PRKCG: variants seen among roughly 807,000 people sequenced by gnomAD.
PRKCG encodes the protein protein kinase C gamma.
PRKCG carries 28 observed loss-of-function variants against 82.0 expected under a neutral mutation model. The observed-to-expected ratio is 0.34, with a 90% CI of 0.25 to 0.47. PRKCG has a LOEUF of 0.47. Among genes scored for constraint, PRKCG ranks in the 20% least tolerant of loss-of-function variants. PRKCG has a pLI of 1.00. For missense variants in PRKCG, 640 were observed against 952.7 expected, an observed-to-expected ratio of 0.67 and a Z score of 4.32; for synonymous variants, 383 against 376.6, an observed-to-expected ratio of 1.02 and a Z score of -0.20.
In PRKCG at chr19:53,906,779, C is replaced by G. The variant is rs758699586; in HGVS notation, c.1978C>G (p.Leu660Val). The G allele has an allele frequency of 1.2e-6, 2 of 1,613,586 alleles. No individual in the cohort carries two copies. Among genetic ancestry groups the G allele is most frequent in the African/African-American group, 1.3e-5 (1 of 74,920 alleles). ...GCCAGCGCTGACCCCTCCAGACCGC[C>G]TAGTCCTGGCCAGCATCGACCAGGC... is the stretch of plus-strand genomic sequence containing the variant. ...AAPALTPPDR[L>V]VLASIDQADF... Residue 660 changes from leucine to valine, a missense_variant, in exon 18 of 18, where the codon CTA (leucine) becomes GTA (valine). By Grantham distance (32) the Leu-to-Val change is conservative. Transcript: ENST00000263431.
chr19:53,883,783 G>A lies in PRKCG; in HGVS notation c.203-378G>A, dbSNP rs1227117763. Among the ~76,000 whole-genome samples, 7 of 152,220 alleles carry A rather than the reference G, an allele frequency of 4.6e-5. No homozygotes were observed. The highest frequency in any genetic ancestry group is 9.6e-5 in the African/African-American group (4 of 41,456). Reference sequence around the variant, plus strand: ...CCTGGGCTGCGTCTGAAGATATTTCGGTTTTCGCTCTTTGAATCTGTCTGC... The same window carrying A: ...CCTGGGCTGCGTCTGAAGATATTTCAGTTTTCGCTCTTTGAATCTGTCTGC... On this transcript the variant is annotated intron_variant, in intron 2 of 17. Transcript: ENST00000263431. The surrounding 1 kb of genome is among the most constrained non-coding windows in gnomAD (Gnocchi z 5.4).
At position 53,883,181 on chromosome 19, in the gene PRKCG, C is replaced by G; in HGVS notation, c.189C>G (p.Gly63=). ...CTTCCAGGGGTATCGGAAAGCAGGG[C>G]CTGCAATGTCAAGGTAAGAGCTGGG... The part of the protein sequence containing the change: ...TDFIWGIGKQ[G]LQCQVCSFVV... Residue 63 remains glycine, a synonymous_variant, in exon 2 of 18, where the codon GGC becomes GGG. Transcript: ENST00000263431. The surrounding 1 kb of genome is among the most constrained non-coding windows in gnomAD (Gnocchi z 5.4). 6.2e-7 allele frequency: 1 copy of G among 1,613,908 alleles called. No individual in the cohort carries two copies. The highest frequency in any genetic ancestry group is 8.5e-7 in the Non-Finnish European group (1 of 1,179,966).
intron 17 of PRKCG, 48 bp downstream of exon 17, chr19:53,906,505 G>T (rs372405012): frequency 1.3e-6 from 2 of 1,568,206 alleles, no homozygotes; most frequent in Admixed American, 1.9e-5. Flanking sequence ...AAGGGGTGGG[G>T]TTCCCCTGGG....
chr19:53,904,221 C>T (rs1055118577), intron 15 of PRKCG, among the ~76,000 whole-genome samples: 3 of 151,688 alleles, frequency 2.0e-5, no homozygotes, highest in Non-Finnish European at 4.4e-5. Flanking sequence ...TATGATGAAA[C>T]CCCATCTCTA....
At position 53,890,032 on chromosome 19, in the gene PRKCG, C is replaced by T. The variant is rs769924528; in HGVS notation, c.529+15C>T. 2.5e-5 allele frequency: 38 copies of T among 1,550,546 alleles called. No individual in the cohort carries two copies. Among genetic ancestry groups the T allele is most frequent in the Non-Finnish European group, 3.0e-5 (34 of 1,150,388 alleles). On this transcript the variant is annotated intron_variant, in intron 5 of 17. Transcript: ENST00000263431. ...CCACGTAACTGGTGAGGCCCCGCCC[C>T]CTCGCCTGGCCCCGCCCCCTCCCCA...
At chr19:53,894,988 G>C (rs2068707467) in intron 9 of PRKCG, among the ~76,000 whole-genome samples, 1 of 152,152 alleles carries the variant, frequency 6.6e-6, no homozygotes, top group Non-Finnish European at 1.5e-5. Flanking sequence ...AGAAGGGCGG[G>C]ATTTCCCAAA....
upstream of PRKCG, among the ~76,000 whole-genome samples, chr19:53,881,129 A>G (rs1045256013): frequency 1.6e-4 from 8 of 50,580 alleles, 1 homozygote; most frequent in Admixed American, 2.4e-3. Context: ...CCCCCCTAGC[A>G]TCAGAGAGAG....
intron 11 of PRKCG, among the ~76,000 whole-genome samples, chr19:53,898,937 G>A (rs1480057995): frequency 1.7e-5 from 2 of 116,526 alleles, no homozygotes; most frequent in African/African-American, 7.6e-5. Context: ...AGGCAGAGGG[G>A]CTCTTCGCGG....
chr19:53,906,360 A>G lies in PRKCG; in HGVS notation c.1808A>G (p.Asp603Gly), dbSNP rs202029274. Reference protein sequence around the residue: ...HPGKRLGSGPDGEPTIRAHGF... With the variant: ...HPGKRLGSGPGGEPTIRAHGF... Reference sequence around the variant, plus strand: ...GGGAAGCGCCTGGGCTCAGGGCCTGATGGGGAACCTACCATCCGTGCACAT... The same window carrying G: ...GGGAAGCGCCTGGGCTCAGGGCCTGGTGGGGAACCTACCATCCGTGCACAT... The change falls in exon 17 of 18, where the codon GAT (aspartate) becomes GGT (glycine). Residue 603 changes from aspartate (D) to glycine (G), a missense_variant. Physicochemically the swap from Asp to Gly is moderately conservative, Grantham distance 94. Transcript: ENST00000263431. 4 of 1,553,456 alleles carry G rather than the reference A, an allele frequency of 2.6e-6. No individual in the cohort carries two copies. The highest frequency in any genetic ancestry group is 2.4e-5 in the East Asian group (1 of 41,142).
chr19:53,891,715 C>T lies in PRKCG; in HGVS notation c.571C>T (p.Leu191Phe), dbSNP rs773693506. 5 of 1,614,110 alleles carry T rather than the reference C, an allele frequency of 3.1e-6. No homozygotes were observed. The highest frequency in any genetic ancestry group is 1.1e-5 in the South Asian group (1 of 91,084). ...RNLIPMDPNG[L>F]SDPYVKLKLI... is the part of the protein sequence containing the mutation. ...CCTAATTCCTATGGACCCCAATGGT[C>T]TCTCTGATCCCTATGTGAAACTGAA... Residue 191 changes from leucine (L) to phenylalanine (F), a missense_variant, in exon 6 of 18, where the codon CTC becomes TTC. Leu to Phe is a conservative substitution (Grantham distance 22, BLOSUM62 0). Coordinates refer to ENST00000263431, the MANE Select transcript of PRKCG (RefSeq NM_002739.5).
At position 53,906,124 on chromosome 19, in the gene PRKCG, T is replaced by TTC. The variant is rs59343768; in HGVS notation, c.1765-180_1765-179dup. 1.0e-3 allele frequency among the ~76,000 whole-genome samples: 71 copies of TTC among 70,676 alleles called. 4 individuals are homozygous for TTC. Among genetic ancestry groups the TTC allele is most frequent in the African/African-American group, 7.2e-3 (63 of 8,762 alleles). The allele number at this position is 70,676 out of a possible 152,430, so 46.4% of individuals were successfully genotyped here. On this transcript the variant is annotated intron_variant, in intron 16 of 17. Coordinates refer to ENST00000263431, the MANE Select transcript of PRKCG (RefSeq NM_002739.5). ...TCTTCTTCTTCTTCTTCTTCTTTTC[T>TTC]TCTCTCTCTCTCTCCTTTCTTTTCC...
In PRKCG at chr19:53,882,300, C is replaced by A. The variant is rs774579501; in HGVS notation, c.-195C>A. ...TCTTCCTCCCCACTCGCCCGCTCCC[C>A]CTGGCGGAGCCGGCGCGCCCGGGGT... On this transcript the variant is annotated 5_prime_UTR_variant, in exon 1 of 18. Transcript: ENST00000263431. This position sits in a 1 kb window ranked among gnomAD's most constrained non-coding sequence, Gnocchi z 6.1. 7 of 762,102 alleles carry A rather than the reference C, an allele frequency of 9.2e-6. No homozygotes were observed. The highest frequency in any genetic ancestry group is 1.7e-5 in the South Asian group (1 of 60,102). The allele number at this position is 762,102 out of a possible 1,614,324, so 47.2% of individuals were successfully genotyped here. A position where few individuals can be genotyped will look rare whatever the true frequency, so the allele number is the denominator to read the frequency against.
At chr19:53,893,102 G>C (rs1165846915) in intron 8 of PRKCG, 27 bp downstream of exon 8, 3 of 1,597,776 alleles carry the variant, frequency 1.9e-6, no homozygotes, top group Admixed American at 1.7e-5. Flanking sequence ...TTCCTCAAGG[G>C]AGCCCAGCCC....
intron 9 of PRKCG, among the ~76,000 whole-genome samples, chr19:53,894,679 C>T (rs1025337627): frequency 6.6e-6 from 1 of 151,976 alleles, no homozygotes; most frequent in Non-Finnish European, 1.5e-5. Flanking sequence ...AGGCTGGTCT[C>T]GAACTCCTGA....
At position 53,884,195 on chromosome 19, in the gene PRKCG, A is replaced by G. The variant is rs1386444880; in HGVS notation, c.237A>G (p.Glu79=). 6.2e-7 allele frequency: 1 copy of G among 1,614,000 alleles called. No homozygotes were observed. Among genetic ancestry groups the G allele is most frequent in the East Asian group, 2.2e-5 (1 of 44,874 alleles). ...CSFVVHRRCH[E]FVTFECPGAG... ...TTGTGGTTCATCGACGATGCCACGA[A>G]TTTGTGACCTTCGAGTGTCCAGGCG... Residue 79 remains glutamate, a synonymous_variant, in exon 3 of 18, where the codon GAA becomes GAG. Coordinates refer to ENST00000263431, the MANE Select transcript of PRKCG (RefSeq NM_002739.5). This position sits in a 1 kb window ranked among gnomAD's most constrained non-coding sequence, Gnocchi z 4.6.
In PRKCG at chr19:53,882,218, C is replaced by G; in HGVS notation, c.-277C>G. On this transcript the variant is annotated 5_prime_UTR_variant, in exon 1 of 18. Transcript: ENST00000263431. This position sits in a 1 kb window ranked among gnomAD's most constrained non-coding sequence, Gnocchi z 6.1. ...TCCCACATTTCAGCAGGTGCCGGAG[C>G]TGGAGCTCCCACCGCCGCCGCCCGT... 2.0e-6 allele frequency: 1 copy of G among 495,022 alleles called. No individual in the cohort carries two copies. The highest frequency in any genetic ancestry group is 3.7e-6 in the Non-Finnish European group (1 of 270,262). 30.7% of individuals were successfully genotyped at this position (495,022 alleles called of 1,614,324 possible).
At position 53,883,148 on chromosome 19, in the gene PRKCG, C is replaced by T; in HGVS notation, c.171-15C>T. ...ACCCCTTTCTGCACTGACCTAGGAT[C>T]CCTGACTCTTCCAGGGGTATCGGAA... On this transcript the variant is annotated splice_polypyrimidine_tract_variant and intron_variant, in intron 1 of 17. Transcript: ENST00000263431. The surrounding 1 kb of genome is among the most constrained non-coding windows in gnomAD (Gnocchi z 5.4). The T allele has an allele frequency of 6.2e-7, 1 of 1,614,036 alleles. No individual in the cohort carries two copies. The highest frequency in any genetic ancestry group is 8.5e-7 in the Non-Finnish European group (1 of 1,179,984).
In PRKCG at chr19:53,883,045, C is replaced by A; in HGVS notation, c.171-118C>A. 7.4e-7 allele frequency: 1 copy of A among 1,347,082 alleles called. No individual in the cohort carries two copies. Among genetic ancestry groups the A allele is most frequent in the South Asian group, 1.2e-5 (1 of 85,490 alleles). 83.4% of individuals were successfully genotyped at this position (1,347,082 alleles called of 1,614,324 possible). ...TTCTAGAAAGAGGAGGTGGCCGGGGCTTGGACACCTGGGCCCTGCGGGAGG... is the reference window on the plus strand; with the variant it reads ...TTCTAGAAAGAGGAGGTGGCCGGGGATTGGACACCTGGGCCCTGCGGGAGG... On this transcript the variant is annotated intron_variant, in intron 1 of 17. Coordinates refer to ENST00000263431, the MANE Select transcript of PRKCG (RefSeq NM_002739.5). This position sits in a 1 kb window ranked among gnomAD's most constrained non-coding sequence, Gnocchi z 5.4.
Position 53,907,195 on chromosome 19 carries a change from T to G in PRKCG, c.*300T>G. The stretch of plus-strand genomic sequence containing the variant: ...GACCACACCACTAACCATCCCCAAC[T>G]CCATGGGGTTCGAGACTCCATCTTG... On this transcript the variant is annotated 3_prime_UTR_variant, in exon 18 of 18. Transcript: ENST00000263431. 2.0e-6 allele frequency: 1 copy of G among 507,550 alleles called. No homozygotes were observed. Among genetic ancestry groups the G allele is most frequent in the East Asian group, 3.8e-5 (1 of 26,658 alleles). The allele number at this position is 507,550 out of a possible 1,614,324, so 31.4% of individuals were successfully genotyped here. A position where few individuals can be genotyped will look rare whatever the true frequency, so the allele number is the denominator to read the frequency against.
Sources: allele counts gnomAD v4.1 joint callset (sites outside exome capture counted in the v4.1 genomes callset), GRCh38; gene constraint gnomAD v4.1.1; non-coding constraint Gnocchi (gnomAD v3.1); transcripts MANE v1.5; gene names NCBI Gene and HGNC (gene_info 2026-07-23, HGNC 2026-07-21).